The following PIK3C2G variants were observed in gnomAD, a reference collection of about 807,000 sequenced individuals.
PIK3C2G encodes the protein phosphatidylinositol-4-phosphate 3-kinase catalytic subunit type 2 gamma, also known as phosphatidylinositol 3-kinase C2 domain-containing subunit gamma.
In PIK3C2G, 168 loss-of-function variants were observed where a neutral mutation model predicts 181.1. The ratio of observed to expected loss-of-function variants is 0.93; its 90% CI spans 0.82 to 1.05. The LOEUF (loss-of-function observed/expected upper bound fraction) is 1.05. PIK3C2G is among the 50% of genes least tolerant of loss of function. The probability of loss-of-function intolerance (pLI) is 0.00; values close to 1 mark genes in which losing one functional copy is unlikely to be tolerated. For missense variants in PIK3C2G, 1,869 were observed against 1,732.8 expected (o/e 1.08, Z -1.40); for synonymous variants, 573 against 592.2 (o/e 0.97, Z 0.47).
chr12:18,379,579 A>G (rs1028784810), intron 13 of PIK3C2G, among the ~76,000 whole-genome samples: 3 of 152,210 alleles, frequency 2.0e-5, no homozygotes, highest in Non-Finnish European at 2.9e-5. Flanking sequence ...AGAGGGGAAA[A>G]GGATATATAA....
At chr12:18,608,563 G>A (rs1280388630) in intron 30 of PIK3C2G, among the ~76,000 whole-genome samples, 1 of 121,430 alleles carries the variant, frequency 8.2e-6, no homozygotes, top group African/African-American at 3.1e-5. Context: ...GTTGTGGGGT[G>A]GGGGGAGGGG....
chr12:18,488,761 T>A, intron 19 of PIK3C2G, 132 bp downstream of exon 19: 1 of 543,928 alleles, frequency 1.8e-6, no homozygotes, highest in Non-Finnish European at 2.9e-6. Flanking sequence ...ATTACTTTAG[T>A]CAAGTTTTTT....
intron 18 of PIK3C2G, among the ~76,000 whole-genome samples, chr12:18,460,240 C>CA (rs1947842752): frequency 6.6e-6 from 1 of 151,802 alleles, no homozygotes; most frequent in Non-Finnish European, 1.5e-5. Flanking sequence ...ACTTAATATG[C>CA]AAAAAAGTAT....
chr12:18,635,031 T>C (rs533130254), intron 31 of PIK3C2G, among the ~76,000 whole-genome samples: 1 of 152,254 alleles, frequency 6.6e-6, no homozygotes, highest in Non-Finnish European at 1.5e-5. Flanking sequence ...CATTTCTCCT[T>C]CCAAGCAAAG....
intron 12 of PIK3C2G, among the ~76,000 whole-genome samples, chr12:18,370,484 G>C (rs1349943316): frequency 6.6e-6 from 1 of 152,086 alleles, no homozygotes; most frequent in Non-Finnish European, 1.5e-5. Flanking sequence ...ACCTCATCAT[G>C]ACCCAGAATG....
chr12:18,517,057 C>T lies in PIK3C2G; in HGVS notation c.3323+11596C>T, dbSNP rs148719733. On this transcript the variant is annotated intron_variant, in intron 24 of 32. Coordinates refer to ENST00000538779, the MANE Select transcript of PIK3C2G (RefSeq NM_001288772.2). ...TTTTTTTTTTTTTTGACAGTGTCAA[C>T]TATCCCTAAGTTTTCACAATCCTTG... Among the ~76,000 whole-genome samples the T allele has an allele frequency of 3.1e-3, 450 of 144,704 alleles. 3 individuals are homozygous for T. The highest frequency in any genetic ancestry group is 0.011 in the African/African-American group (433 of 39,648). The allele number at this position is 144,704 out of a possible 152,430, so 94.9% of individuals were successfully genotyped here. A position where few individuals can be genotyped will look rare whatever the true frequency, so the allele number is the denominator to read the frequency against.
At chr12:18,433,097 T>G (rs1423350315) in intron 18 of PIK3C2G, among the ~76,000 whole-genome samples, 1 of 152,178 alleles carries the variant, frequency 6.6e-6, no homozygotes, top group African/African-American at 2.4e-5. Context: ...GTGCTGTCAG[T>G]TGTAAATGTT....
At chr12:18,406,844 T>A (rs1214673218) in intron 16 of PIK3C2G, among the ~76,000 whole-genome samples, 1 of 152,112 alleles carries the variant, frequency 6.6e-6, no homozygotes, top group Admixed American at 6.6e-5. Flanking sequence ...GTATTCCCTA[T>A]CGAGGAAGAG....
intron 14 of PIK3C2G, among the ~76,000 whole-genome samples, chr12:18,383,352 T>C (rs934024146): frequency 3.3e-5 from 5 of 152,220 alleles, no homozygotes; most frequent in African/African-American, 9.6e-5. Flanking sequence ...CTCACTCTGA[T>C]GTAATGTGAC....
intron 32 of PIK3C2G, among the ~76,000 whole-genome samples, chr12:18,642,587 G>A (rs1949896863): frequency 1.3e-5 from 2 of 152,110 alleles, no homozygotes; most frequent in Admixed American, 1.3e-4. Flanking sequence ...GACCTCAGAT[G>A]TGAACTCTGC....
chr12:18,664,130 G>T, the PIK3C2G span, among the ~76,000 whole-genome samples: 1 of 152,202 alleles, frequency 6.6e-6, no homozygotes, highest in African/African-American at 2.4e-5. Context: ...TAACAAGCGA[G>T]GGTCAGGATG....
At chr12:18,469,861 T>G (rs1488699252) in intron 18 of PIK3C2G, among the ~76,000 whole-genome samples, 1 of 151,208 alleles carries the variant, frequency 6.6e-6, no homozygotes, top group Non-Finnish European at 1.5e-5. Context: ...CTATCTTCAC[T>G]AATTGTTTAA....
chr12:18,642,491 C>A (rs1949893189), intron 32 of PIK3C2G, among the ~76,000 whole-genome samples: 1 of 152,160 alleles, frequency 6.6e-6, no homozygotes, highest in Non-Finnish European at 1.5e-5. Context: ...GACAGCTTGT[C>A]ATTCCCTGAA....
At chr12:18,724,359 C>A in the PIK3C2G span, among the ~76,000 whole-genome samples, 1,187 of 151,924 alleles carry the variant, frequency 7.8e-3, 17 homozygotes, top group African/African-American at 0.028. Context: ...TGACTGGGGT[C>A]AGGGAGAGTT....
chr12:18,549,290 C>T (rs574418346), intron 26 of PIK3C2G, among the ~76,000 whole-genome samples: 38 of 152,008 alleles, frequency 2.5e-4, no homozygotes, highest in African/African-American at 8.7e-4. Context: ...GGAATGTATT[C>T]CCAATTCTAA....
chr12:18,592,330 G>A (rs968828224), intron 29 of PIK3C2G, among the ~76,000 whole-genome samples: 1 of 151,838 alleles, frequency 6.6e-6, no homozygotes, highest in African/African-American at 2.4e-5. Flanking sequence ...AGTCTCAGAA[G>A]TGATGGCAAT....
At chr12:18,689,488 T>C in the PIK3C2G span, among the ~76,000 whole-genome samples, 1 of 152,154 alleles carries the variant, frequency 6.6e-6, no homozygotes, top group Non-Finnish European at 1.5e-5. Flanking sequence ...TAGTGTATTT[T>C]ATGTGTGGCC....
At chr12:18,563,920 G>A (rs11044187) in intron 28 of PIK3C2G, among the ~76,000 whole-genome samples, 28 of 149,562 alleles carry the variant, frequency 1.9e-4, no homozygotes, top group African/African-American at 6.8e-4. Context: ...TATACACATA[G>A]GCTTATTAAT....
intron 13 of PIK3C2G, among the ~76,000 whole-genome samples, chr12:18,376,876 G>A (rs532715516): frequency 1.3e-5 from 2 of 152,322 alleles, no homozygotes; most frequent in Admixed American, 6.5e-5. Context: ...ATGATTGGAA[G>A]CTTCCTAAGG....
Sources: allele counts gnomAD v4.1 joint callset (sites outside exome capture counted in the v4.1 genomes callset), GRCh38; gene constraint gnomAD v4.1.1; transcripts MANE v1.5; gene names NCBI Gene and HGNC (gene_info 2026-07-23, HGNC 2026-07-21).